The following OTUD7A variants were observed in gnomAD, a reference collection of about 807,000 sequenced individuals.
The protein encoded by OTUD7A is OTU domain-containing protein 7A.
Under a neutral mutation model 65.7 loss-of-function variants are expected in OTUD7A, and 12 were observed. The ratio of observed to expected loss-of-function variants is 0.18; its 90% CI spans 0.12 to 0.30. The LOEUF is 0.30. OTUD7A is among the 10% of genes least tolerant of loss of function. The probability of loss-of-function intolerance (pLI) is 1.00; values close to 1 mark genes in which losing one functional copy is unlikely to be tolerated. For missense variants in OTUD7A, 1,148 were observed against 1,304.8 expected (o/e 0.88, Z 1.85); for synonymous variants, 641 against 586.3 (o/e 1.09, Z -1.35).
chr15:31,625,235 T>C (rs1890916139), intron 3 of OTUD7A, among the ~76,000 whole-genome samples: 1 of 152,150 alleles, frequency 6.6e-6, no homozygotes, highest in Admixed American at 6.5e-5. Context: ...AGCTAGACTG[T>C]AGCCTCGAGA....
At chr15:31,754,518 C>A (rs1267363553) in intron 1 of OTUD7A, among the ~76,000 whole-genome samples, 1 of 152,150 alleles carries the variant, frequency 6.6e-6, no homozygotes, top group Non-Finnish European at 1.5e-5. Flanking sequence ...TTTAATCCAT[C>A]TTAAGTTGAT....
At chr15:31,622,395 G>A (rs1890817248) in intron 3 of OTUD7A, among the ~76,000 whole-genome samples, 1 of 152,162 alleles carries the variant, frequency 6.6e-6, no homozygotes. Context: ...TCACTTTCAG[G>A]TACACCAATC....
chr15:31,651,364 A>G lies in OTUD7A; in HGVS notation c.151+3732T>C, dbSNP rs1261158813. Among the ~76,000 whole-genome samples, 16 of 151,854 alleles carry G rather than the reference A, an allele frequency of 1.1e-4. 1 individual carries two copies. Among genetic ancestry groups the G allele is most frequent in the Middle Eastern group, 6.8e-3 (2 of 294 alleles). On this transcript the variant is annotated intron_variant, in intron 3 of 12. Transcript: ENST00000307050. ...CCATCTACTAAAACCTATAGCCAAC[A>G]TTCTACTTAATGGTGAAATACTGCT...
chr15:31,702,370 C>G (rs929569651), intron 1 of OTUD7A, among the ~76,000 whole-genome samples: 1 of 144,564 alleles, frequency 6.9e-6, no homozygotes, highest in Non-Finnish European at 1.5e-5. Flanking sequence ...CAGAAAACCT[C>G]AAGGACTCTG....
At chr15:31,662,431 T>G (rs1892192470) in intron 1 of OTUD7A, among the ~76,000 whole-genome samples, 1 of 152,214 alleles carries the variant, frequency 6.6e-6, no homozygotes, top group Non-Finnish European at 1.5e-5. Flanking sequence ...TAAACATATT[T>G]TATGCATTTC....
chr15:31,492,582 CAAAAAA>C (rs60414638), intron 10 of OTUD7A, among the ~76,000 whole-genome samples: 1 of 121,656 alleles, frequency 8.2e-6, no homozygotes. Flanking sequence ...GACTCTGTCT[CAAAAAA>C]AAAAAAAAAA....
intron 1 of OTUD7A, among the ~76,000 whole-genome samples, chr15:31,763,454 T>C (rs1230183314): frequency 2.6e-5 from 4 of 152,076 alleles, no homozygotes; most frequent in Non-Finnish European, 5.9e-5. Flanking sequence ...GGAAAGTCAC[T>C]GGACTTGAAG....
chr15:31,817,030 T>C (rs1409212497), intron 1 of OTUD7A, among the ~76,000 whole-genome samples: 7 of 152,190 alleles, frequency 4.6e-5, no homozygotes, highest in South Asian at 2.1e-4. Flanking sequence ...CAGAATTACA[T>C]GTTCAGAACC....
chr15:31,709,368 A>G (rs1893381317), intron 1 of OTUD7A, among the ~76,000 whole-genome samples: 1 of 152,142 alleles, frequency 6.6e-6, no homozygotes, highest in African/African-American at 2.4e-5. Flanking sequence ...ACAGGTGTGG[A>G]CAAACCCAGC....
chr15:31,744,544 A>G (rs990999405), intron 1 of OTUD7A, among the ~76,000 whole-genome samples: 1 of 152,170 alleles, frequency 6.6e-6, no homozygotes, highest in Non-Finnish European at 1.5e-5. Context: ...CCTTGAAATA[A>G]GAAAGAATTC....
intron 1 of OTUD7A, among the ~76,000 whole-genome samples, chr15:31,749,176 A>G (rs1672113188): frequency 6.6e-6 from 1 of 152,066 alleles, no homozygotes; most frequent in Non-Finnish European, 1.5e-5. Context: ...TAGGAGATAT[A>G]CCTAACGTTA....
chr15:31,822,675 T>C (rs1219635955), intron 1 of OTUD7A, among the ~76,000 whole-genome samples: 1 of 152,230 alleles, frequency 6.6e-6, no homozygotes, highest in East Asian at 1.9e-4. Context: ...AAGTGTCAGT[T>C]GCCGGGACTT....
chr15:31,558,921 C>A (rs1232765015), intron 5 of OTUD7A, 48 bp downstream of exon 5: 5 of 1,589,960 alleles, frequency 3.1e-6, no homozygotes, highest in Non-Finnish European at 4.3e-6. Context: ...GCCAGCTCAC[C>A]ATTCACCAAG....
intron 1 of OTUD7A, among the ~76,000 whole-genome samples, chr15:31,810,635 G>A (rs4547297): frequency 0.58 from 87,993 of 151,980 alleles, 25,939 homozygotes; most frequent in East Asian, 0.69. Flanking sequence ...ATCAATGACT[G>A]CTGTTTAAGC....
chr15:31,563,418 G>C (rs894204153), intron 4 of OTUD7A, among the ~76,000 whole-genome samples: 4 of 152,238 alleles, frequency 2.6e-5, no homozygotes, highest in Non-Finnish European at 5.9e-5. Flanking sequence ...ATCAGCAAGA[G>C]GGGCAAGACA....
At chr15:31,846,528 G>A (rs961825406) in intron 1 of OTUD7A, among the ~76,000 whole-genome samples, 2 of 152,104 alleles carry the variant, frequency 1.3e-5, no homozygotes, top group Admixed American at 6.5e-5. Flanking sequence ...AACTGGTATG[G>A]CTCACTCGTC....
chr15:31,479,375 A>C lies in OTUD7A; in HGVS notation c.*3919T>G, dbSNP rs1195016976. The C allele has an allele frequency of 1.3e-5, 2 of 152,176 alleles. No homozygotes were observed. Among genetic ancestry groups the C allele is most frequent in the Non-Finnish European group, 2.9e-5 (2 of 68,024 alleles). 9.4% of individuals were successfully genotyped at this position (152,176 alleles called of 1,614,324 possible). ...AAGGACAGAACACTGGGGGTACTTA[A>C]TTTTAAAGTCCACACCAAGATGAGG... On this transcript the variant is annotated 3_prime_UTR_variant, in exon 13 of 13. Transcript: ENST00000307050.
At chr15:31,509,370 C>T (rs2041640024) in intron 8 of OTUD7A, among the ~76,000 whole-genome samples, 2 of 152,080 alleles carry the variant, frequency 1.3e-5, no homozygotes, top group South Asian at 2.1e-4. Flanking sequence ...ATTCCACCTC[C>T]TGGGTTCACG....
intron 1 of OTUD7A, among the ~76,000 whole-genome samples, chr15:31,728,862 T>A (rs1039876294): frequency 3.1e-4 from 47 of 152,194 alleles, no homozygotes; most frequent in African/African-American, 1.1e-3. Flanking sequence ...TCTGTCATTC[T>A]CCCCTGGAGA....
Sources: gnomAD v4.1 joint callset for allele counts (sites outside exome capture counted in the v4.1 genomes callset) on GRCh38, gnomAD v4.1.1 for gene constraint, MANE v1.5 for transcripts, NCBI Gene and HGNC (gene_info 2026-07-23, HGNC 2026-07-21) for gene names.